Variants in DNMBP observed in about 807,000 individuals in gnomAD.
DNMBP encodes dynamin-binding protein.
DNMBP carries 87 observed loss-of-function variants against 150.0 expected under a neutral mutation model. The observed-to-expected ratio is 0.58, with a 90% confidence interval of 0.49 to 0.69. The LOEUF (loss-of-function observed/expected upper bound fraction) is 0.69. Among genes scored for constraint, DNMBP ranks in the 30% least tolerant of loss-of-function variants. The pLI is 0.00. For missense variants in DNMBP, 1,774 were observed against 1,949.0 expected (o/e 0.91, Z 1.69); for synonymous variants, 711 against 750.4 (o/e 0.95, Z 0.86).
At position 99,945,595 on chromosome 10, in the gene DNMBP, A is replaced by C. The variant is rs146737482; in HGVS notation, c.2260+9619T>G. ...AGAAATAAAGTTTTGCAAACAAAGT[A>C]AGTCCTTAGCAATTCTGACACATGA... On this transcript the variant is annotated intron_variant, in intron 4 of 16. Transcript: ENST00000324109. Among the ~76,000 whole-genome samples, 5 of 152,360 alleles carry C rather than the reference A, an allele frequency of 3.3e-5. No individual in the cohort carries two copies. The East Asian group carries it at 9.6e-4, about 29-fold the overall frequency.
intron 6 of DNMBP, among the ~76,000 whole-genome samples, chr10:99,900,320 C>CTGCACT (rs2039720451): frequency 1.3e-5 from 2 of 152,294 alleles, no homozygotes; most frequent in Admixed American, 6.5e-5. Flanking sequence ...GTCTCTGTCA[C>CTGCACT]CCAGGCTGGA....
At chr10:99,970,433 T>C (rs1007743987) in intron 2 of DNMBP, among the ~76,000 whole-genome samples, 5 of 152,120 alleles carry the variant, frequency 3.3e-5, no homozygotes, top group Non-Finnish European at 5.9e-5. Context: ...GTGCGTGGAA[T>C]GTGGGTGGTA....
chr10:99,962,499 C>T (rs1304692944), intron 3 of DNMBP, among the ~76,000 whole-genome samples: 6 of 152,178 alleles, frequency 3.9e-5, no homozygotes, highest in South Asian at 4.1e-4. Flanking sequence ...GGTGTGGTGG[C>T]GGGCGCCTGT....
At chr10:99,909,293 A>T in intron 4 of DNMBP, 147 bp from the exon 5 acceptor site, 1 of 646,672 alleles carries the variant, frequency 1.5e-6, no homozygotes, top group Non-Finnish European at 2.6e-6. Context: ...TGTCAGTTGT[A>T]AACAGGGACA....
At chr10:99,948,914 G>C (rs1181290583) in intron 4 of DNMBP, among the ~76,000 whole-genome samples, 2 of 151,818 alleles carry the variant, frequency 1.3e-5, no homozygotes, top group Non-Finnish European at 2.9e-5. Flanking sequence ...AGTGAGCCAA[G>C]ATCACGCCAT....
intron 3 of DNMBP, among the ~76,000 whole-genome samples, chr10:99,965,180 A>G (rs1237985573): frequency 1.3e-5 from 2 of 151,988 alleles, no homozygotes; most frequent in African/African-American, 4.8e-5. Context: ...ACCTCATCTA[A>G]TCCTCACAAT....
intron 1 of DNMBP, among the ~76,000 whole-genome samples, chr10:99,983,312 G>T (rs2133368204): frequency 6.6e-6 from 1 of 152,242 alleles, no homozygotes; most frequent in East Asian, 1.9e-4. Flanking sequence ...GACAATACAA[G>T]AGCTCATACA....
chr10:99,898,609 A>T, intron 8 of DNMBP, 134 bp downstream of exon 8: 1 of 936,728 alleles, frequency 1.1e-6, no homozygotes, highest in Non-Finnish European at 1.7e-6. Context: ...GATAAGTGCT[A>T]CGAAAGAAAA....
intron 8 of DNMBP, 67 bp from the exon 9 acceptor site, chr10:99,898,352 T>A: frequency 7.2e-7 from 1 of 1,392,886 alleles, no homozygotes; most frequent in Non-Finnish European, 1.0e-6. Flanking sequence ...GGGAACATCG[T>A]GAGACCCCAC....
At chr10:99,983,785 T>C (rs564129986) in intron 1 of DNMBP, among the ~76,000 whole-genome samples, 1 of 152,354 alleles carries the variant, frequency 6.6e-6, no homozygotes, top group African/African-American at 2.4e-5. Flanking sequence ...TAAAGGAATC[T>C]GCTGTCCTAT....
chr10:99,930,439 C>T (rs1444056000), intron 4 of DNMBP: 2 of 703,014 alleles, frequency 2.8e-6, no homozygotes, highest in Non-Finnish European at 5.2e-6. Context: ...CTGAGACTCT[C>T]ATAATCTACA....
At chr10:99,901,502 TAAAG>T (rs1235792902) in intron 6 of DNMBP, among the ~76,000 whole-genome samples, 1 of 152,032 alleles carries the variant, frequency 6.6e-6, no homozygotes, top group Non-Finnish European at 1.5e-5. Flanking sequence ...GTAAAAAAAA[TAAAG>T]AGGTCATTTT....
At chr10:99,883,909 A>T (rs2039409751) in intron 15 of DNMBP, 102 bp downstream of exon 15, 2 of 1,003,374 alleles carry the variant, frequency 2.0e-6, no homozygotes, top group Non-Finnish European at 3.0e-6. Flanking sequence ...TTAATCAAAG[A>T]TACTTTTTGC....
intron 11 of DNMBP, among the ~76,000 whole-genome samples, chr10:99,893,423 T>C (rs572892871): frequency 2.0e-5 from 3 of 152,338 alleles, no homozygotes; most frequent in African/African-American, 7.2e-5. Context: ...CACAGTGATA[T>C]ACTACGCAAT....
At position 99,929,131 on chromosome 10, in the gene DNMBP, G is replaced by A. The variant is rs558657047; in HGVS notation, c.2261-19985C>T. 4.0e-5 allele frequency among the ~76,000 whole-genome samples: 6 copies of A among 151,736 alleles called. No homozygotes were observed. In the East Asian group the frequency reaches 1.2e-3, roughly 29 times the overall value. Reference sequence around the variant, plus strand: ...TGTTCTCCAGCCAGGGGGACAGAATGAGATCTTGTTTCAAAAAAATAAATA... The same window carrying A: ...TGTTCTCCAGCCAGGGGGACAGAATAAGATCTTGTTTCAAAAAAATAAATA... On this transcript the variant is annotated intron_variant, in intron 4 of 16. Transcript: ENST00000324109.
intron 4 of DNMBP, among the ~76,000 whole-genome samples, chr10:99,923,187 G>A (rs753414095): frequency 1.6e-4 from 25 of 151,918 alleles, no homozygotes; most frequent in Admixed American, 8.5e-4. Flanking sequence ...TCAGGAGTTC[G>A]ACTCCAGCCT....
At chr10:99,997,754 C>T (rs1486131585) in intron 1 of DNMBP, among the ~76,000 whole-genome samples, 1 of 151,640 alleles carries the variant, frequency 6.6e-6, no homozygotes, top group Non-Finnish European at 1.5e-5. Context: ...CGAGACCAGC[C>T]TGGGCAACAT....
chr10:99,915,108 A>AAAAAAAATATAT (rs10654940), intron 4 of DNMBP, among the ~76,000 whole-genome samples: 75 of 99,782 alleles, frequency 7.5e-4, no homozygotes, highest in African/African-American at 3.0e-3. Context: ...AAAAAAAAAA[A>AAAAAAAATATAT]ATATATATAT....
chr10:99,913,403 G>A (rs1321896952), intron 4 of DNMBP, among the ~76,000 whole-genome samples: 1 of 152,176 alleles, frequency 6.6e-6, no homozygotes, highest in Non-Finnish European at 1.5e-5. Context: ...GCCCGAATAT[G>A]CCATCTGCAC....
Sources: gnomAD v4.1 joint callset for allele counts (sites outside exome capture counted in the v4.1 genomes callset) on GRCh38, gnomAD v4.1.1 for gene constraint, MANE v1.5 for transcripts, NCBI Gene and HGNC (gene_info 2026-07-23, HGNC 2026-07-21) for gene names.